Variants in CD109 observed in about 807,000 individuals in gnomAD.
CD109 encodes the protein CD109 antigen.
CD109 carries 149 observed loss-of-function variants against 165.8 expected under a neutral mutation model. The observed-to-expected ratio is 0.90, with a 90% confidence interval of 0.79 to 1.03. The LOEUF (loss-of-function observed/expected upper bound fraction) is 1.03. Among genes scored for constraint, CD109 ranks in the 50% least tolerant of loss-of-function variants. The pLI is 0.00. For missense variants in CD109, 1,712 were observed against 1,677.8 expected (o/e 1.02, Z -0.36); for synonymous variants, 585 against 592.1 (o/e 0.99, Z 0.18).
chr6:73,729,436 G>T (rs1423492190), intron 3 of CD109, among the ~76,000 whole-genome samples: 1 of 151,322 alleles, frequency 6.6e-6, no homozygotes, highest in Admixed American at 6.6e-5. Flanking sequence ...TATAGTGCAG[G>T]TAAACTGCTC....
chr6:73,713,924 C>T (rs1030705575), intron 2 of CD109, among the ~76,000 whole-genome samples: 10 of 152,244 alleles, frequency 6.6e-5, no homozygotes, highest in African/African-American at 1.4e-4. Flanking sequence ...ACCCCTCCCC[C>T]GTCGTTCTTC....
chr6:73,728,840 A>G (rs906421078), intron 3 of CD109, among the ~76,000 whole-genome samples: 2 of 152,226 alleles, frequency 1.3e-5, no homozygotes, highest in Admixed American at 6.5e-5. Flanking sequence ...CTAGTTATCT[A>G]TTGCTAAGTA....
At chr6:73,756,932 T>A (rs1773417441) in intron 6 of CD109, among the ~76,000 whole-genome samples, 1 of 152,210 alleles carries the variant, frequency 6.6e-6, no homozygotes, top group Non-Finnish European at 1.5e-5. Context: ...ACAACATGAT[T>A]TTTCTATTTT....
chr6:73,744,270 T>C (rs1335494476), intron 5 of CD109, among the ~76,000 whole-genome samples: 1 of 152,236 alleles, frequency 6.6e-6, no homozygotes, highest in Non-Finnish European at 1.5e-5. Context: ...ATATAATATC[T>C]GACCTGTTAT....
chr6:73,693,236 T>C (rs72953367), upstream of CD109, among the ~76,000 whole-genome samples: 5,859 of 151,998 alleles, frequency 0.039, 293 homozygotes, highest in Admixed American at 0.15. Flanking sequence ...TCTGGTGAGG[T>C]CCTCAGGCTG....
chr6:73,775,272 G>A (rs1172760537), intron 15 of CD109, among the ~76,000 whole-genome samples: 1 of 152,068 alleles, frequency 6.6e-6, no homozygotes, highest in African/African-American at 2.4e-5. Context: ...AGTGGTTACT[G>A]TAGTGAAGCA....
chr6:73,736,542 A>G, intron 5 of CD109, 34 bp downstream of exon 5: 1 of 1,591,128 alleles, frequency 6.3e-7, no homozygotes, highest in Non-Finnish European at 8.6e-7. Context: ...GGGGAATGTT[A>G]AAGTGATTTA....
intron 23 of CD109, among the ~76,000 whole-genome samples, chr6:73,800,681 A>C (rs1175662590): frequency 6.6e-6 from 1 of 152,016 alleles, no homozygotes. Context: ...ATGAAGTTGA[A>C]TGTGTTTTCT....
In CD109 at chr6:73,820,544, A is replaced by G. The variant is rs1562090140; in HGVS notation, c.4143A>G (p.Ile1381Met). The G allele has an allele frequency of 6.2e-7, 1 of 1,603,894 alleles. No individual in the cohort carries two copies. Among genetic ancestry groups the G allele is most frequent in the Non-Finnish European group, 8.5e-7 (1 of 1,171,602 alleles). ...VSNTQDASVSIVDYYEPRRQA... is the reference protein window; with the variant it reads ...VSNTQDASVSMVDYYEPRRQA... ...ATACCCAAGATGCTTCAGTGTCCAT[A>G]GTGGATTACTATGAGCCAAGTAAGT... The change falls in exon 32 of 33, where the codon ATA becomes ATG. Residue 1381 changes from isoleucine to methionine, a missense_variant. By Grantham distance (10) the Ile-to-Met change is conservative. Transcript: ENST00000287097.
chr6:73,748,102 T>G (rs1773049637), intron 5 of CD109, among the ~76,000 whole-genome samples: 1 of 152,124 alleles, frequency 6.6e-6, no homozygotes, highest in East Asian at 1.9e-4. Context: ...ACTCCTTAGC[T>G]CAAGTGATCT....
chr6:73,748,240 T>G (rs1773057071), intron 5 of CD109, among the ~76,000 whole-genome samples: 1 of 152,178 alleles, frequency 6.6e-6, no homozygotes, highest in Non-Finnish European at 1.5e-5. Flanking sequence ...CTGCATTTGG[T>G]TTTTTTCCCC....
At chr6:73,752,865 T>C (rs1351763052) in intron 5 of CD109, among the ~76,000 whole-genome samples, 2 of 152,198 alleles carry the variant, frequency 1.3e-5, no homozygotes, top group African/African-American at 4.8e-5. Flanking sequence ...AATACTCATT[T>C]TGAAGCAGAT....
intron 13 of CD109, among the ~76,000 whole-genome samples, chr6:73,767,823 T>C (rs1462538342): frequency 6.6e-6 from 1 of 152,240 alleles, no homozygotes; most frequent in Non-Finnish European, 1.5e-5. Flanking sequence ...AAATAGATTC[T>C]TGACTATGAA....
chr6:73,768,941 T>C (rs894473729), intron 14 of CD109, among the ~76,000 whole-genome samples: 3 of 152,266 alleles, frequency 2.0e-5, no homozygotes, highest in African/African-American at 7.2e-5. Context: ...ATGGTTCTTC[T>C]ATTTCTTTTT....
At chr6:73,803,542 T>G (rs1185592157) in intron 24 of CD109, among the ~76,000 whole-genome samples, 1 of 152,118 alleles carries the variant, frequency 6.6e-6, no homozygotes, top group Non-Finnish European at 1.5e-5. Flanking sequence ...TGTGTGTGTG[T>G]GGAAGAAACA....
chr6:73,757,872 C>A (rs561105056), intron 6 of CD109, among the ~76,000 whole-genome samples: 1 of 152,206 alleles, frequency 6.6e-6, no homozygotes, highest in African/African-American at 2.4e-5. Context: ...TTTTAGACAG[C>A]CCTGATCTAG....
intron 23 of CD109, among the ~76,000 whole-genome samples, chr6:73,793,490 G>T (rs1349026905): frequency 1.3e-5 from 2 of 152,198 alleles, no homozygotes; most frequent in African/African-American, 4.8e-5. Flanking sequence ...CTCATTGGAG[G>T]CTCACCATTA....
At chr6:73,683,998 C>T in the CD109 span, among the ~76,000 whole-genome samples, 1 of 152,166 alleles carries the variant, frequency 6.6e-6, no homozygotes. Context: ...CACAGCCAAA[C>T]CATATCACTA....
At position 73,827,079 on chromosome 6, in the gene CD109, A is replaced by G. The variant is rs1442047925; in HGVS notation, c.*3446A>G. 1 of 152,182 alleles carries G rather than the reference A, an allele frequency of 6.6e-6. No homozygotes were observed. The highest frequency in any genetic ancestry group is 2.4e-5 in the African/African-American group (1 of 41,460). 9.4% of individuals were successfully genotyped at this position (152,182 alleles called of 1,614,324 possible). On this transcript the variant is annotated 3_prime_UTR_variant, in exon 33 of 33. Coordinates refer to ENST00000287097, the MANE Select transcript of CD109 (RefSeq NM_133493.5). ...AATTATTTTATTAACCTGCTGGCAT[A>G]TAATCTGGAGTTCTTTTCACAACCT...
Sources: allele counts gnomAD v4.1 joint callset (sites outside exome capture counted in the v4.1 genomes callset), GRCh38; gene constraint gnomAD v4.1.1; transcripts MANE v1.5; gene names NCBI Gene and HGNC (gene_info 2026-07-23, HGNC 2026-07-21).